The following GRIK4 variants were observed in gnomAD, a reference collection of about 807,000 sequenced individuals.
GRIK4 encodes the protein glutamate ionotropic receptor kainate type subunit 4.
In GRIK4, 40 loss-of-function variants were observed where a neutral mutation model predicts 104.9. The ratio of observed to expected loss-of-function variants is 0.38; its 90% CI spans 0.30 to 0.50. GRIK4 has a LOEUF of 0.50. GRIK4 is among the 20% of genes least tolerant of loss of function. The probability of loss-of-function intolerance (pLI) is 0.93; values close to 1 mark genes in which losing one functional copy is unlikely to be tolerated. For missense variants in GRIK4, 1,047 were observed against 1,308.1 expected (o/e 0.80, Z 3.08); for synonymous variants, 485 against 524.9 (o/e 0.92, Z 1.04).
chr11:120,833,291 GAC>G (rs35508124), intron 7 of GRIK4, among the ~76,000 whole-genome samples: 116,851 of 149,810 alleles, frequency 0.78, 45,500 homozygotes, highest in East Asian at 0.82. Flanking sequence ...CTTTCTCTCT[GAC>G]ACACACACAC....
chr11:120,713,992 C>T (rs142625877), intron 3 of GRIK4, among the ~76,000 whole-genome samples: 122 of 152,296 alleles, frequency 8.0e-4, no homozygotes, highest in African/African-American at 2.8e-3. Context: ...CCTGCTTCTC[C>T]AGCATTATTC....
chr11:120,868,452 A>G (rs1204095341), intron 9 of GRIK4: 1 of 150,818 alleles, frequency 6.6e-6, no homozygotes, highest in Non-Finnish European at 1.5e-5. Context: ...AGGCGTGCAC[A>G]CACAGATGAG....
intron 11 of GRIK4, among the ~76,000 whole-genome samples, chr11:120,875,559 C>T (rs1954761331): frequency 6.6e-6 from 1 of 152,134 alleles, no homozygotes; most frequent in Admixed American, 6.5e-5. Context: ...TCCTGGAGCC[C>T]ATTTAGACTC....
intron 3 of GRIK4, among the ~76,000 whole-genome samples, chr11:120,792,689 G>A (rs1369479275): frequency 6.6e-6 from 1 of 152,146 alleles, no homozygotes; most frequent in African/African-American, 2.4e-5. Flanking sequence ...CACGATGCCT[G>A]GGTAGCTGGT....
intron 3 of GRIK4, among the ~76,000 whole-genome samples, chr11:120,748,177 G>A (rs560224717): frequency 3.3e-5 from 5 of 151,772 alleles, no homozygotes; most frequent in Admixed American, 6.6e-5. Flanking sequence ...GAAGCTGGCC[G>A]ACAGGTTAAA....
At chr11:120,797,702 G>T (rs1170447803) in intron 3 of GRIK4, among the ~76,000 whole-genome samples, 2 of 152,220 alleles carry the variant, frequency 1.3e-5, no homozygotes, top group African/African-American at 2.4e-5. Flanking sequence ...TCGCACGGGG[G>T]TTGGGAGGTA....
rs1206911173 is a variant in GRIK4 at position 120,632,264 on chromosome 11, G to A, written c.-158-21421G>A. Among the ~76,000 whole-genome samples the A allele has an allele frequency of 3.3e-5, 5 of 152,172 alleles. No homozygotes were observed. In the South Asian group the frequency reaches 1.0e-3, roughly 32 times the overall value. ...TGGAAGACAGCCTTCACCAGAACCT[G>A]ACCATGTCGCACCTTGATCTCAGAC... On this transcript the variant is annotated intron_variant, in intron 1 of 20. Coordinates refer to ENST00000527524, the MANE Select transcript of GRIK4 (RefSeq NM_014619.5).
intron 3 of GRIK4, among the ~76,000 whole-genome samples, chr11:120,712,943 A>T (rs948289748): frequency 5.3e-5 from 8 of 152,004 alleles, no homozygotes; most frequent in Non-Finnish European, 8.8e-5. Flanking sequence ...CTGGTCTGTT[A>T]TTGTCCTTTT....
At position 120,524,689 on chromosome 11, in the gene GRIK4, C is replaced by T. The variant is rs1263187388; in HGVS notation, c.-159+12802C>T. On this transcript the variant is annotated intron_variant, in intron 1 of 20. Coordinates refer to ENST00000527524, the MANE Select transcript of GRIK4 (RefSeq NM_014619.5). This position sits in a 1 kb window ranked among gnomAD's most constrained non-coding sequence, Gnocchi z 4.5. ...GATCAGGCTGTGGGCACTGCAGCTG[C>T]CATGAGTCAGGAGGAGGCTCTGGGA... Among the ~76,000 whole-genome samples, 1 of 152,152 alleles carries T rather than the reference C, an allele frequency of 6.6e-6. No individual in the cohort carries two copies. The highest frequency in any genetic ancestry group is 1.5e-5 in the Non-Finnish European group (1 of 68,034).
chr11:120,923,243 C>T (rs1239672464), intron 13 of GRIK4, among the ~76,000 whole-genome samples: 1 of 152,116 alleles, frequency 6.6e-6, no homozygotes, highest in Non-Finnish European at 1.5e-5. Context: ...CTTAGAAAAA[C>T]TTACCAGGTG....
intron 16 of GRIK4, among the ~76,000 whole-genome samples, chr11:120,957,606 T>TGC (rs1944189835): frequency 6.7e-6 from 1 of 148,328 alleles, no homozygotes; most frequent in East Asian, 2.0e-4. Flanking sequence ...TGTGTGTGTG[T>TGC]GTGTGTGTGT....
intron 1 of GRIK4, among the ~76,000 whole-genome samples, chr11:120,619,659 C>G (rs1949160710): frequency 1.3e-5 from 2 of 152,030 alleles, no homozygotes; most frequent in Admixed American, 1.3e-4. Flanking sequence ...GAGTGAGTTC[C>G]CATGAGATCT....
intron 19 of GRIK4, among the ~76,000 whole-genome samples, chr11:120,972,252 T>TGG (rs201060008): frequency 2.0e-5 from 3 of 152,156 alleles, no homozygotes; most frequent in African/African-American, 7.2e-5. Context: ...TCAAAGGTTC[T>TGG]GGGGTGAGAT....
chr11:120,695,365 T>C (rs1950427605), intron 3 of GRIK4, among the ~76,000 whole-genome samples: 1 of 152,330 alleles, frequency 6.6e-6, no homozygotes, highest in East Asian at 1.9e-4. Flanking sequence ...GTGGCTGCCA[T>C]GTCCTACCGT....
chr11:120,541,073 C>A (rs1007230138), intron 1 of GRIK4, among the ~76,000 whole-genome samples: 4 of 152,278 alleles, frequency 2.6e-5, no homozygotes, highest in Admixed American at 2.6e-4. Flanking sequence ...GCCCTGCAGC[C>A]TGGGGCCCTG....
In GRIK4 at chr11:120,522,190, C is replaced by T. The variant is rs149184203; in HGVS notation, c.-159+10303C>T. Among the ~76,000 whole-genome samples the T allele has an allele frequency of 4.6e-5, 7 of 152,330 alleles. No homozygotes were observed. In the South Asian group the frequency reaches 8.3e-4, roughly 18 times the overall value. ...ATCGCTGAGTTGGGCAGCTGTGAAA[C>T]GAGGGAGCACATGAAAGCACCCAGT... On this transcript the variant is annotated intron_variant, in intron 1 of 20. Coordinates refer to ENST00000527524, the MANE Select transcript of GRIK4 (RefSeq NM_014619.5).
At chr11:120,783,937 C>T (rs188288227) in intron 3 of GRIK4, among the ~76,000 whole-genome samples, 90 of 152,266 alleles carry the variant, frequency 5.9e-4, no homozygotes, top group African/African-American at 1.6e-3. Flanking sequence ...TTTGAGACTT[C>T]GGCAGACGAC....
intron 1 of GRIK4, among the ~76,000 whole-genome samples, chr11:120,651,845 T>C (rs1341880382): frequency 6.6e-6 from 1 of 152,254 alleles, no homozygotes; most frequent in Non-Finnish European, 1.5e-5. Flanking sequence ...TTCAGCAAGA[T>C]GTGCAGGTGA....
At chr11:120,601,010 G>A (rs1397961185) in intron 1 of GRIK4, among the ~76,000 whole-genome samples, 1 of 152,198 alleles carries the variant, frequency 6.6e-6, no homozygotes, top group Non-Finnish European at 1.5e-5. Flanking sequence ...GAGCCGGATC[G>A]TGCCACTGCA....
Sources: gnomAD v4.1 joint callset for allele counts (sites outside exome capture counted in the v4.1 genomes callset) on GRCh38, gnomAD v4.1.1 for gene constraint, Gnocchi (gnomAD v3.1) non-coding constraint, MANE v1.5 for transcripts, NCBI Gene and HGNC (gene_info 2026-07-23, HGNC 2026-07-21) for gene names.